Variants in TOX observed in about 807,000 individuals in gnomAD.
The protein encoded by TOX is thymocyte selection-associated high mobility group box protein TOX.
Under a neutral mutation model 53.7 loss-of-function variants are expected in TOX, and 11 were observed. The ratio of observed to expected loss-of-function variants is 0.20; its 90% CI spans 0.13 to 0.34. The LOEUF is 0.34. Ranked by LOEUF, TOX falls within the 10% of genes least tolerant of loss-of-function variation. The probability of loss-of-function intolerance (pLI) is 1.00; values close to 1 mark genes in which losing one functional copy is unlikely to be tolerated. For missense variants in TOX, 570 were observed against 664.6 expected (o/e 0.86, Z 1.56); for synonymous variants, 225 against 245.3 (o/e 0.92, Z 0.77).
chr8:58,902,400 GA>G, intron 3 of TOX, among the ~76,000 whole-genome samples: 1 of 152,212 alleles, frequency 6.6e-6, no homozygotes, highest in East Asian at 1.9e-4. Context: ...CCAGATGCAG[GA>G]CGGGGGGTCC....
chr8:58,926,079 A>G (rs1045883327), intron 3 of TOX, among the ~76,000 whole-genome samples: 1 of 152,096 alleles, frequency 6.6e-6, no homozygotes, highest in African/African-American at 2.4e-5. Flanking sequence ...ATTACCATGA[A>G]AACCTCACAA....
chr8:58,994,003 A>G (rs1265096627), intron 1 of TOX, among the ~76,000 whole-genome samples: 1 of 152,240 alleles, frequency 6.6e-6, no homozygotes, highest in East Asian at 1.9e-4. Flanking sequence ...GTCTATTTTC[A>G]CCTAGATCCA....
chr8:59,080,632 G>T (rs1804390507), intron 1 of TOX, among the ~76,000 whole-genome samples: 1 of 152,164 alleles, frequency 6.6e-6, no homozygotes, highest in East Asian at 1.9e-4. Flanking sequence ...CTGGCGGGAG[G>T]TGTTTGGATC....
intron 1 of TOX, among the ~76,000 whole-genome samples, chr8:58,979,833 A>C (rs1813167726): frequency 6.6e-6 from 1 of 152,168 alleles, no homozygotes; most frequent in African/African-American, 2.4e-5. Context: ...CTCTCTGTAA[A>C]ATGGGGAGAC....
At chr8:58,812,425 C>G (rs1011316453) in intron 7 of TOX, among the ~76,000 whole-genome samples, 10 of 152,162 alleles carry the variant, frequency 6.6e-5, no homozygotes, top group African/African-American at 2.4e-4. Context: ...CAGATTGGCT[C>G]TCCCAGCTAG....
chr8:58,884,921 G>C (rs1019833096), intron 3 of TOX, among the ~76,000 whole-genome samples: 1 of 152,112 alleles, frequency 6.6e-6, no homozygotes, highest in Non-Finnish European at 1.5e-5. Context: ...ACACTGGAAT[G>C]AAGTGATTCA....
At chr8:58,935,458 A>C (rs1281068820) in intron 3 of TOX, among the ~76,000 whole-genome samples, 2 of 152,160 alleles carry the variant, frequency 1.3e-5, no homozygotes, top group South Asian at 2.1e-4. Context: ...CCTACACATA[A>C]ATTTTCCCAG....
rs77559035 is a variant in TOX, at chr8:58,878,510, A to G, written c.412-26705T>C. 2.0e-3 allele frequency among the ~76,000 whole-genome samples: 298 copies of G among 152,308 alleles called. 4 individuals are homozygous for G. The East Asian group carries it at 0.035, about 18-fold the overall frequency. On this transcript the variant is annotated intron_variant, in intron 3 of 8. Transcript: ENST00000361421. ...CTTTAGGTGAATGTTGAGATAAACA[A>G]TGCCATTTGAAAATAGAGAAATAAT...
At chr8:58,980,224 A>T (rs1363476841) in intron 1 of TOX, among the ~76,000 whole-genome samples, 1 of 152,202 alleles carries the variant, frequency 6.6e-6, no homozygotes, top group Non-Finnish European at 1.5e-5. Flanking sequence ...TATGAGAAAG[A>T]AAGAGAGACA....
At chr8:58,923,814 T>C (rs1271190463) in intron 3 of TOX, among the ~76,000 whole-genome samples, 1 of 152,186 alleles carries the variant, frequency 6.6e-6, no homozygotes, top group Non-Finnish European at 1.5e-5. Context: ...ACAGTCCCAG[T>C]TGTAGGCCTA....
At chr8:58,952,767 T>C (rs971852895) in intron 2 of TOX, among the ~76,000 whole-genome samples, 1 of 152,254 alleles carries the variant, frequency 6.6e-6, no homozygotes, top group Admixed American at 6.5e-5. Context: ...AACATACTAT[T>C]TGACATTTAT....
chr8:58,885,765 T>A (rs138837202), intron 3 of TOX, among the ~76,000 whole-genome samples: 2 of 152,274 alleles, frequency 1.3e-5, no homozygotes, highest in Admixed American at 1.3e-4. Context: ...TTTCAGAGGT[T>A]AATTGCTATA....
chr8:58,841,657 G>A lies in TOX; in HGVS notation c.694-3346C>T, dbSNP rs148315893. ...TTTGTTAAGAGAGTAGGTTTTAAGC[G>A]TTCTCATTTTAAAAAAAGTGACTAG... On this transcript the variant is annotated intron_variant, in intron 4 of 8. Coordinates refer to ENST00000361421, the MANE Select transcript of TOX (RefSeq NM_014729.3). Among the ~76,000 whole-genome samples the A allele has an allele frequency of 2.8e-3, 419 of 152,168 alleles. 4 individuals carry two copies. Among genetic ancestry groups the A allele is most frequent in the African/African-American group, 9.5e-3 (396 of 41,518 alleles).
intron 3 of TOX, among the ~76,000 whole-genome samples, chr8:58,874,110 T>G (rs971674202): frequency 6.6e-6 from 1 of 151,682 alleles, no homozygotes; most frequent in Non-Finnish European, 1.5e-5. Flanking sequence ...GAGTCTACTA[T>G]AAGGGACTTT....
intron 1 of TOX, among the ~76,000 whole-genome samples, chr8:59,106,369 T>C (rs1479663352): frequency 1.3e-5 from 2 of 151,928 alleles, no homozygotes; most frequent in Non-Finnish European, 2.9e-5. Context: ...ATAAGAAAAA[T>C]ATGTTCTGGC....
At chr8:58,813,068 A>T (rs1005348234) in intron 7 of TOX, among the ~76,000 whole-genome samples, 3 of 152,250 alleles carry the variant, frequency 2.0e-5, no homozygotes, top group African/African-American at 7.2e-5. Flanking sequence ...CTCAGCAAGC[A>T]TACTTTTTGG....
chr8:58,989,753 T>C (rs1030823398), intron 1 of TOX, among the ~76,000 whole-genome samples: 1 of 152,238 alleles, frequency 6.6e-6, no homozygotes, highest in Admixed American at 6.5e-5. Flanking sequence ...TGAAATGTTC[T>C]ATGACCACTC....
rs11433613 is a variant in TOX, at chr8:59,092,319, A to ATTATATATTATATATTATATATACAT, written c.102+26566_102+26567insATGTATATATAATATATAATATATAA. ...TATATATATTATATATTATATATAC[A>ATTATATATTATATATTATATATACAT]TATATATATTATATATTATATATAC... On this transcript the variant is annotated intron_variant, in intron 1 of 8. Transcript: ENST00000361421. Among the ~76,000 whole-genome samples the ATTATATATTATATATTATATATACAT allele has an allele frequency of 1.0e-4, 9 of 87,802 alleles. 4 individuals are homozygous for ATTATATATTATATATTATATATACAT. In the African/African-American group the frequency reaches 1.6e-3, roughly 15 times the overall value. The allele number at this position is 87,802 out of a possible 152,430, so 57.6% of individuals were successfully genotyped here.
At chr8:59,050,225 G>C (rs576459444) in intron 1 of TOX, among the ~76,000 whole-genome samples, 8 of 152,236 alleles carry the variant, frequency 5.3e-5, no homozygotes, top group African/African-American at 1.9e-4. Context: ...ATTAACACCA[G>C]TGCACAAGGA....
Sources: allele counts gnomAD v4.1 joint callset (sites outside exome capture counted in the v4.1 genomes callset), GRCh38; gene constraint gnomAD v4.1.1; transcripts MANE v1.5; gene names NCBI Gene and HGNC (gene_info 2026-07-23, HGNC 2026-07-21).